Variants in SRCIN1 observed in about 807,000 individuals in gnomAD.
SRCIN1 encodes the protein SRC kinase signaling inhibitor 1, also known as P130Cas-associated protein.
In SRCIN1, 50 loss-of-function variants were observed where a neutral mutation model predicts 116.2. The ratio of observed to expected loss-of-function variants is 0.43; its 90% CI spans 0.34 to 0.54. The LOEUF is 0.54. SRCIN1 is among the 20% of genes least tolerant of loss of function. SRCIN1 has a pLI of 0.02. For missense variants in SRCIN1, 1,446 were observed against 1,672.0 expected, an observed-to-expected ratio of 0.86 and a Z score of 2.36; for synonymous variants, 736 against 750.0, an observed-to-expected ratio of 0.98 and a Z score of 0.30.
intron 1 of SRCIN1, among the ~76,000 whole-genome samples, chr17:38,588,582 C>A (rs1242224459): frequency 6.6e-6 from 1 of 152,216 alleles, no homozygotes; most frequent in Non-Finnish European, 1.5e-5. Context: ...TCTGAGGAGG[C>A]TGCCAGGGCG....
chr17:38,545,546 C>T (rs1041122051), intron 17 of SRCIN1: 1 of 152,578 alleles, frequency 6.6e-6, no homozygotes, highest in Non-Finnish European at 1.5e-5. Flanking sequence ...GTGAGCCTAG[C>T]CCCTTTCTTT....
rs569427433 is a variant in SRCIN1, at chr17:38,562,578, G to A, written c.834+249C>T. On this transcript the variant is annotated intron_variant, in intron 6 of 18. Coordinates refer to ENST00000617146, the MANE Select transcript of SRCIN1 (RefSeq NM_025248.3). This position sits in a 1 kb window ranked among gnomAD's most constrained non-coding sequence, Gnocchi z 4.2. Reference sequence around the variant, plus strand: ...ACCGTGAGGGGTGGGAAGTAGAAGGGGAAGGGGTGGCTCCGGCTCCTGAGA... The same window carrying A: ...ACCGTGAGGGGTGGGAAGTAGAAGGAGAAGGGGTGGCTCCGGCTCCTGAGA... Among the ~76,000 whole-genome samples, 26 of 152,372 alleles carry A rather than the reference G, an allele frequency of 1.7e-4. No homozygotes were observed. The highest frequency in any genetic ancestry group is 3.5e-4 in the Non-Finnish European group (24 of 68,036).
chr17:38,533,752 A>T (rs1258117596), intron 18 of SRCIN1, among the ~76,000 whole-genome samples: 1 of 5,124 alleles, frequency 2.0e-4, no homozygotes, highest in South Asian at 5.3e-3. Flanking sequence ...GCAGATGGGG[A>T]GGTGGGGGTG....
At position 38,533,069 on chromosome 17, in the gene SRCIN1, A is replaced by T; in HGVS notation, c.*228T>A. 1 of 409,592 alleles carries T rather than the reference A, an allele frequency of 2.4e-6. No individual in the cohort carries two copies. Among genetic ancestry groups the T allele is most frequent in the Non-Finnish European group, 4.1e-6 (1 of 243,340 alleles). 25.4% of individuals were successfully genotyped at this position (409,592 alleles called of 1,614,324 possible). ...GTTTGGTTTTTAGTTTTACTGTTTAAAAAAAGATAATTAAAAGTTAATTGT... is the reference window on the plus strand; with the variant it reads ...GTTTGGTTTTTAGTTTTACTGTTTATAAAAAGATAATTAAAAGTTAATTGT... On this transcript the variant is annotated 3_prime_UTR_variant, in exon 19 of 19. Coordinates refer to ENST00000617146, the MANE Select transcript of SRCIN1 (RefSeq NM_025248.3).
chr17:38,571,520 G>A (rs980926107), intron 2 of SRCIN1, among the ~76,000 whole-genome samples: 3 of 152,152 alleles, frequency 2.0e-5, no homozygotes, highest in Non-Finnish European at 4.4e-5. Context: ...GGCAGGAAGG[G>A]CCAGGAGAGG....
At chr17:38,581,766 C>T (rs1231754223) in intron 1 of SRCIN1, among the ~76,000 whole-genome samples, 1 of 152,226 alleles carries the variant, frequency 6.6e-6, no homozygotes, top group Non-Finnish European at 1.5e-5. Flanking sequence ...TGTGGCAACC[C>T]ACAGTGGCCA....
In SRCIN1 at chr17:38,585,055, C is replaced by A. The variant is rs1042728297; in HGVS notation, c.23-6264G>T. On this transcript the variant is annotated intron_variant, in intron 1 of 18. Coordinates refer to ENST00000617146, the MANE Select transcript of SRCIN1 (RefSeq NM_025248.3). The surrounding 1 kb of genome is among the most constrained non-coding windows in gnomAD (Gnocchi z 4.2). ...CTGGACAAAACCCCTCCCTTGGGGA[C>A]CTGAGAGGCTGTCACATGTGTGCCC... 6.6e-6 allele frequency among the ~76,000 whole-genome samples: 1 copy of A among 152,206 alleles called. No individual in the cohort carries two copies. Among genetic ancestry groups the A allele is most frequent in the Non-Finnish European group, 1.5e-5 (1 of 68,034 alleles).
chr17:38,603,164 G>A (rs1008135443), intron 1 of SRCIN1, among the ~76,000 whole-genome samples: 9 of 152,022 alleles, frequency 5.9e-5, no homozygotes, highest in African/African-American at 1.9e-4. Flanking sequence ...GGTCCCTGGC[G>A]AGAGAGAGGG....
intron 1 of SRCIN1, among the ~76,000 whole-genome samples, chr17:38,599,695 G>A (rs1056065973): frequency 1.3e-5 from 2 of 152,208 alleles, no homozygotes; most frequent in African/African-American, 4.8e-5. Context: ...GAGAAAAGCA[G>A]GTTTCCAGCC....
intron 1 of SRCIN1, among the ~76,000 whole-genome samples, chr17:38,587,821 C>T (rs1213955622): frequency 6.6e-6 from 1 of 152,124 alleles, no homozygotes; most frequent in Non-Finnish European, 1.5e-5. Flanking sequence ...TCAGGGTCCC[C>T]GCAGGGCATC....
intron 18 of SRCIN1, among the ~76,000 whole-genome samples, chr17:38,539,977 C>A (rs959749080): frequency 6.9e-6 from 1 of 145,108 alleles, no homozygotes; most frequent in Admixed American, 7.0e-5. Context: ...GCCGAGATCA[C>A]GCCACTGGAC....
chr17:38,596,329 GC>G, intron 1 of SRCIN1, among the ~76,000 whole-genome samples: 1 of 152,220 alleles, frequency 6.6e-6, no homozygotes, highest in African/African-American at 2.4e-5. Context: ...TCCCTTTGGG[GC>G]CCCCCAGGGC....
chr17:38,552,716 C>T lies in SRCIN1; in HGVS notation c.2332+9G>A. ...AACAACGTGCTGCATTCGCAGGCCC[C>T]AGACCCACCCTTGAGCTCTGTCAGC... On this transcript the variant is annotated intron_variant, in intron 12 of 18. Coordinates refer to ENST00000617146, the MANE Select transcript of SRCIN1 (RefSeq NM_025248.3). This position sits in a 1 kb window ranked among gnomAD's most constrained non-coding sequence, Gnocchi z 5.3. 1 of 1,613,776 alleles carries T rather than the reference C, an allele frequency of 6.2e-7. No homozygotes were observed. Among genetic ancestry groups the T allele is most frequent in the South Asian group, 1.1e-5 (1 of 91,070 alleles).
In SRCIN1 at chr17:38,568,116, C is replaced by A. The variant is rs912445800; in HGVS notation, c.345+95G>T. On this transcript the variant is annotated intron_variant, in intron 3 of 18. Coordinates refer to ENST00000617146, the MANE Select transcript of SRCIN1 (RefSeq NM_025248.3). This position sits in a 1 kb window ranked among gnomAD's most constrained non-coding sequence, Gnocchi z 4.5. ...ATACCAGAAGGTGTCCGTGCAGATG[C>A]GCACCCCGGTGCAAAGCCTGTGCAA... The A allele has an allele frequency of 6.2e-6, 9 of 1,460,124 alleles. No homozygotes were observed. The highest frequency in any genetic ancestry group is 8.6e-6 in the Non-Finnish European group (9 of 1,051,384). The allele number at this position is 1,460,124 out of a possible 1,614,324, so 90.4% of individuals were successfully genotyped here.
At chr17:38,595,143 C>G (rs1908654410) in intron 1 of SRCIN1, among the ~76,000 whole-genome samples, 1 of 150,826 alleles carries the variant, frequency 6.6e-6, no homozygotes, top group Non-Finnish European at 1.5e-5. Context: ...ATCCAGGAAC[C>G]TATCTGCCTT....
chr17:38,586,180 A>T (rs899342209), intron 1 of SRCIN1, among the ~76,000 whole-genome samples: 9 of 152,174 alleles, frequency 5.9e-5, no homozygotes, highest in Non-Finnish European at 1.0e-4. Context: ...GACATGGGGC[A>T]AGGCCAGGCA....
In SRCIN1 at chr17:38,558,343, C is replaced by T. The variant is rs1905946304; in HGVS notation, c.2085G>A (p.Met695Ile). Residue 695 changes from methionine (M) to isoleucine (I), a missense_variant, in exon 11 of 19, where the codon ATG (methionine) becomes ATA (isoleucine). Physicochemically the swap from Met to Ile is conservative, Grantham distance 10. This residue lies in a region of SRCIN1 where 398 missense variants were observed against 385.6 expected (regional missense o/e 1.03). Transcript: ENST00000617146. The surrounding 1 kb of genome is among the most constrained non-coding windows in gnomAD (Gnocchi z 4.6). ...GCCGCCGCGCCGCCTCCGACACGCG[C>T]ATGCTCAGCTCTGCCTCCGTGCGCT... is the stretch of plus-strand genomic sequence containing the variant. ...LLKRTEAELS[M>I]RVSEAARRQE... is the part of the protein sequence containing the mutation. 6.2e-7 allele frequency: 1 copy of T among 1,609,528 alleles called. No homozygotes were observed. Among genetic ancestry groups the T allele is most frequent in the Non-Finnish European group, 8.5e-7 (1 of 1,179,550 alleles).
rs536007542 is a variant in SRCIN1 at position 38,563,469 on chromosome 17, G to A, written c.594C>T (p.His198=). The change falls in exon 5 of 19, where the codon CAC becomes CAT. Residue 198 remains histidine (H), a synonymous_variant. Coordinates refer to ENST00000617146, the MANE Select transcript of SRCIN1 (RefSeq NM_025248.3). The surrounding 1 kb of genome is among the most constrained non-coding windows in gnomAD (Gnocchi z 5.8). ...GCAGCGTGTCCAGGCTGCTGACCTC[G>A]TGCGTGATGTGCACGCGCCGAGTCT... ...GEETRRVHIT[H]EVSSLDTLHA... The A allele has an allele frequency of 2.6e-6, 4 of 1,556,166 alleles. No individual in the cohort carries two copies. The East Asian group carries it at 7.3e-5, about 28-fold the overall frequency.
intron 1 of SRCIN1, among the ~76,000 whole-genome samples, chr17:38,595,963 C>T (rs889755077): frequency 6.6e-6 from 1 of 152,202 alleles, no homozygotes; most frequent in Non-Finnish European, 1.5e-5. Context: ...GCCCCCTCTC[C>T]GTTTCTGGCC....
Sources: allele counts gnomAD v4.1 joint callset (sites outside exome capture counted in the v4.1 genomes callset), GRCh38; gene constraint gnomAD v4.1.1; regional missense constraint gnomAD v4.1.1; non-coding constraint Gnocchi (gnomAD v3.1); transcripts MANE v1.5; gene names NCBI Gene and HGNC (gene_info 2026-07-23, HGNC 2026-07-21).